The following ARMC8 variants were observed in gnomAD, a reference collection of about 807,000 sequenced individuals.
The protein encoded by ARMC8 is armadillo repeat containing 8.
A neutral mutation model predicts 99.3 loss-of-function variants in ARMC8; 20 were observed. That is an observed-to-expected ratio of 0.20 (90% CI 0.14 to 0.29). ARMC8 has a LOEUF of 0.29. ARMC8 is among the 10% of genes least tolerant of loss of function. ARMC8 has a pLI of 1.00. For synonymous variants in ARMC8, 263 were observed against 278.3 expected (o/e 0.95, Z 0.55); for missense variants, 569 against 809.5 (o/e 0.70, Z 3.60).
chr3:138,275,135 A>G (rs1001298920), intron 18 of ARMC8, among the ~76,000 whole-genome samples: 1 of 152,228 alleles, frequency 6.6e-6, no homozygotes, highest in Non-Finnish European at 1.5e-5. Context: ...GTTTTAATGA[A>G]TATATTTTAT....
intron 11 of ARMC8, among the ~76,000 whole-genome samples, chr3:138,243,813 G>C (rs927557390): frequency 2.0e-5 from 3 of 152,084 alleles, no homozygotes; most frequent in Non-Finnish European, 4.4e-5. Context: ...ATACCAGTTA[G>C]CTCTTTAGGA....
At chr3:138,205,675 C>T (rs780024108) in intron 1 of ARMC8, among the ~76,000 whole-genome samples, 7 of 152,180 alleles carry the variant, frequency 4.6e-5, no homozygotes, top group African/African-American at 1.7e-4. Flanking sequence ...TTGTGGCTCA[C>T]GCCTGTAATC....
intron 21 of ARMC8, among the ~76,000 whole-genome samples, chr3:138,291,404 C>T (rs2050937234): frequency 1.3e-5 from 2 of 152,220 alleles, no homozygotes; most frequent in Non-Finnish European, 2.9e-5. Context: ...ATCTACTTTG[C>T]TATCCCAGTC....
chr3:138,282,819 C>T (rs987453616), intron 18 of ARMC8, among the ~76,000 whole-genome samples: 6 of 152,156 alleles, frequency 3.9e-5, no homozygotes, highest in African/African-American at 9.7e-5. Flanking sequence ...GTTAATTACA[C>T]TTGGCATGCT....
intron 9 of ARMC8, 89 bp from the exon 10 acceptor site, chr3:138,239,379 A>AT (rs1436069891): frequency 3.8e-6 from 4 of 1,046,964 alleles, no homozygotes; most frequent in African/African-American, 3.3e-5. Context: ...TTGGTTTTCG[A>AT]TTTTTTAATA....
At chr3:138,254,109 A>G (rs1225336260) in intron 12 of ARMC8, among the ~76,000 whole-genome samples, 1 of 152,224 alleles carries the variant, frequency 6.6e-6, no homozygotes, top group Non-Finnish European at 1.5e-5. Flanking sequence ...CTGTCTAAAT[A>G]TGATTTTATT....
intron 1 of ARMC8, chr3:138,188,279 T>C (rs566831267): frequency 1.2e-6 from 1 of 828,714 alleles, no homozygotes; most frequent in African/African-American, 1.7e-5. Context: ...CCGTTTTTCT[T>C]TAAGGGGAGT....
chr3:138,189,261 C>T, intron 1 of ARMC8, among the ~76,000 whole-genome samples: 1 of 150,254 alleles, frequency 6.7e-6, no homozygotes, highest in Middle Eastern at 3.3e-3. Context: ...GCCTTTAGCC[C>T]TAGTCTCATT....
intron 18 of ARMC8, among the ~76,000 whole-genome samples, chr3:138,279,791 A>ATG (rs1330871360): frequency 6.6e-6 from 1 of 152,082 alleles, no homozygotes; most frequent in Non-Finnish European, 1.5e-5. Flanking sequence ...GAATTTGTTC[A>ATG]TTTCATCTAA....
intron 1 of ARMC8, among the ~76,000 whole-genome samples, chr3:138,205,206 C>CT (rs1440043008): frequency 6.6e-6 from 1 of 151,110 alleles, no homozygotes; most frequent in African/African-American, 2.4e-5. Context: ...GTAGCCAGGA[C>CT]TAAAGGTGCG....
At chr3:138,293,923 C>G (rs922981215) in intron 21 of ARMC8, among the ~76,000 whole-genome samples, 1 of 152,152 alleles carries the variant, frequency 6.6e-6, no homozygotes, top group Non-Finnish European at 1.5e-5. Context: ...TCTTCTTAAA[C>G]GTAAACCGTA....
chr3:138,264,412 C>CTTTTTTTTTT (rs11298899), intron 14 of ARMC8, among the ~76,000 whole-genome samples, 200 bp downstream of exon 14: 2 of 48,646 alleles, frequency 4.1e-5, no homozygotes, highest in Non-Finnish European at 7.3e-5. Context: ...GATTTTCTTT[C>CTTTTTTTTTT]TTTTTTTTTT....
chr3:138,197,176 G>A (rs922666125), intron 1 of ARMC8, among the ~76,000 whole-genome samples: 8 of 152,284 alleles, frequency 5.3e-5, no homozygotes, highest in East Asian at 1.9e-4. Flanking sequence ...CGATATTGCC[G>A]TGATTGTCAC....
chr3:138,269,145 C>T (rs1406877010), intron 15 of ARMC8, among the ~76,000 whole-genome samples: 3 of 152,070 alleles, frequency 2.0e-5, no homozygotes, highest in Non-Finnish European at 2.9e-5. Context: ...AATATCTGAG[C>T]GTTCCTTGTA....
At chr3:138,272,119 G>A in intron 16 of ARMC8, among the ~76,000 whole-genome samples, 1 of 152,174 alleles carries the variant, frequency 6.6e-6, no homozygotes. Context: ...AGCCACCCGG[G>A]ATTACTGGTA....
At chr3:138,213,498 A>G (rs567419022) in intron 2 of ARMC8, among the ~76,000 whole-genome samples, 1 of 152,328 alleles carries the variant, frequency 6.6e-6, no homozygotes, top group Admixed American at 6.5e-5. Flanking sequence ...AACTGAATAG[A>G]TGATCATTAA....
intron 11 of ARMC8, among the ~76,000 whole-genome samples, chr3:138,244,826 G>A (rs1240565200): frequency 1.3e-5 from 2 of 152,152 alleles, no homozygotes; most frequent in Admixed American, 6.5e-5. Flanking sequence ...ATTCACAATG[G>A]TTTTTCATAT....
At chr3:138,216,045 ATTTTTTTTTTT>A (rs755521341) in intron 2 of ARMC8, among the ~76,000 whole-genome samples, 1 of 128,536 alleles carries the variant, frequency 7.8e-6, no homozygotes. Flanking sequence ...TGCCCAGCTA[ATTTTTTTTTTT>A]TTTTTTTTTT....
At chr3:138,245,286 A>C in intron 12 of ARMC8, 103 bp downstream of exon 12, 1 of 1,611,488 alleles carries the variant, frequency 6.2e-7, no homozygotes, top group Non-Finnish European at 8.5e-7. Context: ...GACTGTTTGA[A>C]TATAATAAAG....
Sources: gnomAD v4.1 joint callset for allele counts (sites outside exome capture counted in the v4.1 genomes callset) on GRCh38, gnomAD v4.1.1 for gene constraint, MANE v1.5 for transcripts, NCBI Gene and HGNC (gene_info 2026-07-23, HGNC 2026-07-21) for gene names.